The following RCAN1 variants were observed in gnomAD, a reference collection of about 807,000 sequenced individuals.
The protein encoded by RCAN1 is regulator of calcineurin 1.
A neutral mutation model predicts 22.9 loss-of-function variants in RCAN1; 11 were observed. The observed-to-expected ratio is 0.48, with a 90% confidence interval of 0.30 to 0.79. The LOEUF is 0.79. Ranked by LOEUF, RCAN1 falls within the 30% of genes least tolerant of loss-of-function variation. RCAN1 has a pLI of 0.06. For synonymous variants in RCAN1, 136 were observed against 142.3 expected, an observed-to-expected ratio of 0.96 and a Z score of 0.32; for missense variants, 291 against 337.8, an observed-to-expected ratio of 0.86 and a Z score of 1.09.
intron 1 of RCAN1, among the ~76,000 whole-genome samples, chr21:34,569,079 C>A (rs1987141504): frequency 6.6e-6 from 1 of 152,214 alleles, no homozygotes; most frequent in South Asian, 2.1e-4. Context: ...TGATCTCCCA[C>A]CAGGTCCCTC....
chr21:34,614,658 C>A lies in RCAN1; in HGVS notation c.252+102G>T. ...AGCCCGGGGGACGTCGCTGCCTCCC[C>A]GCCCCGCGCGCGGCCGGGACTGGGC... On this transcript the variant is annotated intron_variant, in intron 1 of 3. Transcript: ENST00000313806. The surrounding 1 kb of genome is among the most constrained non-coding windows in gnomAD (Gnocchi z 6.0). 9 of 1,165,812 alleles carry A rather than the reference C, an allele frequency of 7.7e-6. No homozygotes were observed. Among genetic ancestry groups the A allele is most frequent in the Non-Finnish European group, 9.5e-6 (9 of 944,006 alleles). 72.2% of individuals were successfully genotyped at this position (1,165,812 alleles called of 1,614,324 possible).
intron 1 of RCAN1, among the ~76,000 whole-genome samples, chr21:34,530,625 T>TTGTTGTTG (rs1555856746): frequency 1.4e-5 from 1 of 72,010 alleles, no homozygotes; most frequent in African/African-American, 6.2e-5. Flanking sequence ...AGTTTTTTTT[T>TTGTTGTTG]TTTTTTTTTT....
chr21:34,559,596 C>T (rs1986715601), intron 1 of RCAN1, among the ~76,000 whole-genome samples: 1 of 149,858 alleles, frequency 6.7e-6, no homozygotes, highest in African/African-American at 2.5e-5. Context: ...TCCTGATGTT[C>T]TTTGGAACAT....
chr21:34,581,529 A>AAGG (rs1303706744), intron 1 of RCAN1, among the ~76,000 whole-genome samples: 1 of 152,206 alleles, frequency 6.6e-6, no homozygotes, highest in Admixed American at 6.5e-5. Context: ...GAGGAAGAAG[A>AAGG]AGGAGGAGGA....
At chr21:34,612,949 G>C (rs930278503) in intron 1 of RCAN1, among the ~76,000 whole-genome samples, 2 of 152,106 alleles carry the variant, frequency 1.3e-5, no homozygotes, top group Non-Finnish European at 2.9e-5. Flanking sequence ...TCTCTTCATC[G>C]CATTTATCAC....
At chr21:34,535,009 G>A (rs1489433151) in intron 1 of RCAN1, among the ~76,000 whole-genome samples, 1 of 152,206 alleles carries the variant, frequency 6.6e-6, no homozygotes, top group Admixed American at 6.5e-5. Context: ...TTGGATGCAT[G>A]TCCACCTTAA....
intron 1 of RCAN1, among the ~76,000 whole-genome samples, chr21:34,605,505 G>GT (rs1359966932): frequency 1.3e-5 from 2 of 152,258 alleles, no homozygotes; most frequent in African/African-American, 4.8e-5. Context: ...ATGAAGAGTC[G>GT]TAACTCATGT....
intron 1 of RCAN1, among the ~76,000 whole-genome samples, chr21:34,547,249 G>A (rs1407905288): frequency 1.3e-5 from 2 of 152,280 alleles, no homozygotes; most frequent in African/African-American, 4.8e-5. Context: ...GGCATATCCA[G>A]GAGTCCAGGC....
chr21:34,551,500 AG>A (rs1986365643), intron 1 of RCAN1, among the ~76,000 whole-genome samples: 1 of 152,236 alleles, frequency 6.6e-6, no homozygotes, highest in South Asian at 2.1e-4. Flanking sequence ...AGGAGGCAGA[AG>A]GCAGCTCTCT....
chr21:34,582,179 C>A (rs1238613878), intron 1 of RCAN1, among the ~76,000 whole-genome samples: 1 of 152,310 alleles, frequency 6.6e-6, no homozygotes, highest in East Asian at 1.9e-4. Context: ...CAATTTAATA[C>A]ATATTCATGA....
chr21:34,553,348 TATA>T (rs753288427), intron 1 of RCAN1, among the ~76,000 whole-genome samples: 2 of 152,034 alleles, frequency 1.3e-5, no homozygotes, highest in Non-Finnish European at 2.9e-5. Context: ...TTTCAAAAAT[TATA>T]ATAATAAAAA....
chr21:34,578,436 G>A (rs1208678235), intron 1 of RCAN1, among the ~76,000 whole-genome samples: 1 of 152,164 alleles, frequency 6.6e-6, no homozygotes, highest in Non-Finnish European at 1.5e-5. Flanking sequence ...GATCCCCTAG[G>A]AATCTGCATC....
chr21:34,612,090 T>C (rs555052796), intron 1 of RCAN1, among the ~76,000 whole-genome samples: 96 of 152,160 alleles, frequency 6.3e-4, no homozygotes, highest in African/African-American at 2.3e-3. Flanking sequence ...CCTTTCTCCA[T>C]CTCCAATACC....
intron 1 of RCAN1, among the ~76,000 whole-genome samples, chr21:34,605,148 C>T (rs572493369): frequency 7.9e-5 from 12 of 152,284 alleles, no homozygotes; most frequent in South Asian, 2.1e-4. Context: ...AAAGGCGGAC[C>T]CACCCTCTAT....
At chr21:34,538,967 C>T (rs1228861663) in intron 1 of RCAN1, among the ~76,000 whole-genome samples, 1 of 152,186 alleles carries the variant, frequency 6.6e-6, no homozygotes, top group Non-Finnish European at 1.5e-5. Flanking sequence ...TCTGAAGTCT[C>T]AGAAATGTGA....
intron 1 of RCAN1, among the ~76,000 whole-genome samples, chr21:34,544,530 G>C (rs1003052224): frequency 3.9e-5 from 6 of 152,184 alleles, no homozygotes; most frequent in Non-Finnish European, 7.4e-5. Flanking sequence ...CTGACCTACA[G>C]ACCTGTCAAC....
chr21:34,537,429 C>T (rs959276436), intron 1 of RCAN1, among the ~76,000 whole-genome samples: 1 of 152,212 alleles, frequency 6.6e-6, no homozygotes, highest in Non-Finnish European at 1.5e-5. Context: ...AGGTGTCACA[C>T]AGAAATAGAA....
chr21:34,532,177 A>T (rs1399460361), intron 1 of RCAN1, among the ~76,000 whole-genome samples: 1 of 152,124 alleles, frequency 6.6e-6, no homozygotes, highest in Admixed American at 6.5e-5. Flanking sequence ...CCGGGTGATC[A>T]GACATCACCT....
intron 1 of RCAN1, among the ~76,000 whole-genome samples, chr21:34,586,674 C>T (rs528521439): frequency 1.8e-4 from 28 of 152,090 alleles, no homozygotes; most frequent in Non-Finnish European, 1.9e-4. Flanking sequence ...GAGAAAAGGA[C>T]AGGCGCAGTG....
Sources: gnomAD v4.1 joint callset for allele counts (sites outside exome capture counted in the v4.1 genomes callset) on GRCh38, gnomAD v4.1.1 for gene constraint, Gnocchi (gnomAD v3.1) non-coding constraint, MANE v1.5 for transcripts, NCBI Gene and HGNC (gene_info 2026-07-23, HGNC 2026-07-21) for gene names.